The following ZNF814 variants were observed in gnomAD, a reference collection of about 807,000 sequenced individuals.
ZNF814 encodes the protein zinc finger protein 814.
A neutral mutation model predicts 7.5 loss-of-function variants in ZNF814; 5 were observed. The ratio of observed to expected loss-of-function variants is 0.67; its 90% confidence interval spans 0.35 to 1.40. ZNF814 has a LOEUF of 1.40. Ranked by LOEUF, ZNF814 falls within the 40% of genes most tolerant of loss-of-function variation. ZNF814 has a pLI of 0.04. For synonymous variants in ZNF814, 315 were observed against 340.7 expected, an observed-to-expected ratio of 0.92 and a Z score of 0.83; for missense variants, 962 against 1,018.0, an observed-to-expected ratio of 0.94 and a Z score of 0.75.
the ZNF814 span, among the ~76,000 whole-genome samples, chr19:57,901,120 G>A: frequency 6.6e-6 from 1 of 151,168 alleles, no homozygotes; most frequent in African/African-American, 2.4e-5. Flanking sequence ...ACAGGCGTGA[G>A]CCACCGCGCC....
rs1238419298 is a variant in ZNF814, at chr19:57,875,033, C to T, written c.357G>A (p.Leu119=). Residue 119 remains leucine, a synonymous_variant, in exon 3 of 3, where the codon CTG becomes CTA. Transcript: ENST00000435989. ...TATTCCCCCAGGCCTCACACCTGTG[C>T]AGTTTCTGCTTGTGATGTGTTCCCT... ...DHQGTHHKQK[L]HRCEAWGNKL... 1 of 1,605,424 alleles carries T rather than the reference C, an allele frequency of 6.2e-7. No homozygotes were observed.
chr19:57,891,341 C>T (rs144427455), upstream of ZNF814, among the ~76,000 whole-genome samples: 4 of 146,842 alleles, frequency 2.7e-5, no homozygotes, highest in East Asian at 2.1e-4. Context: ...CTGGCTAACA[C>T]GGTGAAATCC....
intron 1 of ZNF814, among the ~76,000 whole-genome samples, chr19:57,884,881 T>C (rs2071676838): frequency 6.6e-6 from 1 of 152,182 alleles, no homozygotes; most frequent in Non-Finnish European, 1.5e-5. Flanking sequence ...TAAGCTAGCA[T>C]ATAATCCAGC....
upstream of ZNF814, chr19:57,889,083 C>T: frequency 5.9e-6 from 3 of 509,654 alleles, no homozygotes; most frequent in East Asian, 8.9e-5. Context: ...TTGTCACGTG[C>T]ACACAGGAAA....
upstream of ZNF814, chr19:57,889,177 A>G (rs540912247): frequency 3.3e-4 from 131 of 401,094 alleles, no homozygotes; most frequent in African/African-American, 2.4e-3. Flanking sequence ...CTAGGCAACA[A>G]GGAGGGTAAA....
chr19:57,876,864 T>C (rs752013940), intron 2 of ZNF814, 52 bp downstream of exon 2: 9 of 1,606,006 alleles, frequency 5.6e-6, no homozygotes, highest in Middle Eastern at 1.7e-4. Context: ...TGGGGAAAGA[T>C]AGGGGAAAAC....
At chr19:57,897,604 C>A in the ZNF814 span, among the ~76,000 whole-genome samples, 1 of 152,136 alleles carries the variant, frequency 6.6e-6, no homozygotes, top group African/African-American at 2.4e-5. Context: ...ACAGTCAGTG[C>A]CCTTACAAAC....
the ZNF814 span, among the ~76,000 whole-genome samples, chr19:57,901,993 A>G: frequency 1.3e-5 from 2 of 152,218 alleles, no homozygotes; most frequent in Non-Finnish European, 1.5e-5. Context: ...TCAATAGGAT[A>G]TAAATATCCT....
At chr19:57,901,645 A>G in the ZNF814 span, 1 of 398,728 alleles carries the variant, frequency 2.5e-6, no homozygotes, top group Non-Finnish European at 4.4e-6. Context: ...GGAAAAGACC[A>G]AGAATACTCA....
Position 57,873,841 on chromosome 19 carries a change from C to T in ZNF814, c.1549G>A (p.Ala517Thr). 6.2e-7 allele frequency: 1 copy of T among 1,613,824 alleles called. No homozygotes were observed. The highest frequency in any genetic ancestry group is 8.5e-7 in the Non-Finnish European group (1 of 1,179,928). The change falls in exon 3 of 3, where the codon GCA becomes ACA. Residue 517 changes from alanine to threonine, a missense_variant. Ala to Thr is a moderately conservative substitution (Grantham distance 58, BLOSUM62 0). Around this residue, in one of 7 missense-constraint regions of ZNF814, gnomAD observed 665 missense variants for 551.4 expected, o/e 1.21. Coordinates refer to ENST00000435989, the MANE Select transcript of ZNF814 (RefSeq NM_001144989.2). Reference sequence around the variant, plus strand: ...CATTCTCCACACTCATAAGGTCTTGCTCCAGTGTGAACTCGCTGGTGTAGA... The same window carrying T: ...CATTCTCCACACTCATAAGGTCTTGTTCCAGTGTGAACTCGCTGGTGTAGA... The part of the protein sequence containing the change: ...LVLHQRVHTG[A>T]RPYECGECGK...
chr19:57,893,262 C>A (rs1222937131), upstream of ZNF814, among the ~76,000 whole-genome samples: 1 of 151,468 alleles, frequency 6.6e-6, no homozygotes, highest in Non-Finnish European at 1.5e-5. Flanking sequence ...CAACCTCCGC[C>A]TCCTGGGTTC....
upstream of ZNF814, among the ~76,000 whole-genome samples, chr19:57,892,383 C>T: frequency 6.6e-6 from 1 of 152,170 alleles, no homozygotes; most frequent in East Asian, 1.9e-4. Context: ...GTTAGAGTCT[C>T]TCCTGGTTAA....
At chr19:57,884,499 T>A (rs1412630547) in intron 1 of ZNF814, among the ~76,000 whole-genome samples, 2 of 152,116 alleles carry the variant, frequency 1.3e-5, no homozygotes, top group African/African-American at 4.8e-5. Flanking sequence ...CCTGTGGTGG[T>A]CCCTGCCACT....
chr19:57,873,663 T>A lies in ZNF814; in HGVS notation c.1727A>T (p.Tyr576Phe). ...AGATTTCCCACATTCTCCACACCCA[T>A]AAGATCTTTCTCTAGGGTGAACTCG... ...HQRVHPRERS[Y>F]GCGECGKSFS... The change falls in exon 3 of 3, where the codon TAT (tyrosine) becomes TTT (phenylalanine). Residue 576 changes from tyrosine to phenylalanine, a missense_variant. Transcript: ENST00000435989. 1 of 1,613,908 alleles carries A rather than the reference T, an allele frequency of 6.2e-7. No homozygotes were observed.
At chr19:57,902,736 C>T in the ZNF814 span, among the ~76,000 whole-genome samples, 10 of 151,926 alleles carry the variant, frequency 6.6e-5, no homozygotes, top group East Asian at 1.4e-3. Context: ...TCTAGGCCCA[C>T]TGCACGCTCT....
chr19:57,885,272 T>C (rs1369232531), intron 1 of ZNF814, among the ~76,000 whole-genome samples: 1 of 148,846 alleles, frequency 6.7e-6, no homozygotes. Context: ...CAGTGAGCCA[T>C]GATCGCACCA....
In ZNF814 at chr19:57,874,157, T is replaced by A; in HGVS notation, c.1233A>T (p.Gly411=). ...VHTDKKHYEC[G]ECGKSFSQKS... ...TTTGACTAAAGGATTTCCCACATTC[T>A]CCACATTCATAATGTTTTTTGTCAG... Residue 411 remains glycine, a synonymous_variant, in exon 3 of 3, where the codon GGA becomes GGT. Transcript: ENST00000435989. The A allele has an allele frequency of 6.3e-7, 1 of 1,592,260 alleles. No homozygotes were observed. Among genetic ancestry groups the A allele is most frequent in the South Asian group, 1.1e-5 (1 of 88,732 alleles).
intron 1 of ZNF814, among the ~76,000 whole-genome samples, chr19:57,883,402 C>A (rs916019102): frequency 4.6e-5 from 7 of 150,910 alleles, no homozygotes; most frequent in Admixed American, 4.6e-4. Flanking sequence ...ATGGCTCATG[C>A]CTGTAATCCC....
chr19:57,888,982 TGCG>T lies in ZNF814; in HGVS notation c.-183_-181del. On this transcript the variant is annotated 5_prime_UTR_variant, in exon 1 of 3. Transcript: ENST00000435989. ...CGACTTCTGGGTTCAGTCACCACAG[TGCG>T]GACCTAGCGCTCAGGAGCCTCTCCT... 1 of 640,634 alleles carries T rather than the reference TGCG, an allele frequency of 1.6e-6. No homozygotes were observed. The highest frequency in any genetic ancestry group is 2.8e-5 in the East Asian group (1 of 36,166). 39.7% of individuals were successfully genotyped at this position (640,634 alleles called of 1,614,324 possible).
Sources: allele counts gnomAD v4.1 joint callset (sites outside exome capture counted in the v4.1 genomes callset), GRCh38; gene constraint gnomAD v4.1.1; regional missense constraint gnomAD v4.1.1; transcripts MANE v1.5; gene names NCBI Gene and HGNC (gene_info 2026-07-23, HGNC 2026-07-21).